IQGAP2: variants seen among roughly 807,000 people sequenced by gnomAD.
The protein encoded by IQGAP2 is ras GTPase-activating-like protein IQGAP2.
IQGAP2 carries 173 observed loss-of-function variants against 201.3 expected under a neutral mutation model. The observed-to-expected ratio is 0.86, with a 90% CI of 0.76 to 0.98. IQGAP2 has a LOEUF of 0.98. IQGAP2 is among the 50% of genes least tolerant of loss of function. The pLI, the probability that IQGAP2 is intolerant of heterozygous loss-of-function variation, is 0.00. For synonymous variants in IQGAP2, 675 were observed against 673.9 expected, an observed-to-expected ratio of 1.00 and a Z score of -0.03; for missense variants, 1,687 against 1,864.8, an observed-to-expected ratio of 0.90 and a Z score of 1.76.
intron 2 of IQGAP2, among the ~76,000 whole-genome samples, chr5:76,512,973 T>C (rs1758072265): frequency 6.6e-6 from 1 of 152,022 alleles, no homozygotes; most frequent in South Asian, 2.1e-4. Context: ...GAGAATCGCT[T>C]GAACCTAGTA....
At chr5:76,696,582 A>G (rs1014600186) in intron 32 of IQGAP2, among the ~76,000 whole-genome samples, 2 of 131,760 alleles carry the variant, frequency 1.5e-5, no homozygotes, top group African/African-American at 5.7e-5. Context: ...TTAAATGACC[A>G]GAAAAAAAAA....
intron 15 of IQGAP2, among the ~76,000 whole-genome samples, chr5:76,634,049 G>T (rs1482915667): frequency 6.6e-6 from 1 of 150,694 alleles, no homozygotes; most frequent in South Asian, 2.1e-4. Context: ...ACTGATTTTT[G>T]TATATTGATC....
chr5:76,489,713 C>T (rs1488660992), intron 2 of IQGAP2, among the ~76,000 whole-genome samples: 4 of 152,194 alleles, frequency 2.6e-5, no homozygotes, highest in African/African-American at 4.8e-5. Context: ...GTGATCCATC[C>T]GCCTTGGCCT....
At chr5:76,520,895 G>C (rs1758643680) in intron 2 of IQGAP2, among the ~76,000 whole-genome samples, 1 of 151,062 alleles carries the variant, frequency 6.6e-6, no homozygotes, top group African/African-American at 2.4e-5. Flanking sequence ...TTTTAGTAGA[G>C]GCGAGGTTTC....
intron 2 of IQGAP2, among the ~76,000 whole-genome samples, chr5:76,514,182 A>T (rs1758162525): frequency 6.6e-6 from 1 of 151,770 alleles, no homozygotes; most frequent in Admixed American, 6.6e-5. Flanking sequence ...CATCAACACA[A>T]CCGGCTAATT....
At chr5:76,595,610 A>T (rs1360881919) in intron 9 of IQGAP2, among the ~76,000 whole-genome samples, 2 of 151,928 alleles carry the variant, frequency 1.3e-5, no homozygotes, top group African/African-American at 4.8e-5. Flanking sequence ...AAAATTTAAA[A>T]ATTAGCCGGG....
Position 76,702,489 on chromosome 5 carries a change from A to T in IQGAP2, c.4513A>T (p.Asn1505Tyr). The T allele has an allele frequency of 4.0e-6, 6 of 1,491,300 alleles. No individual in the cohort carries two copies. The highest frequency in any genetic ancestry group is 5.6e-6 in the Non-Finnish European group (6 of 1,068,508). The allele number at this position is 1,491,300 out of a possible 1,614,324, so 92.4% of individuals were successfully genotyped here. A position where few individuals can be genotyped will look rare whatever the true frequency, so the allele number is the denominator to read the frequency against. ...IDDLQTNQFK[N>Y]VTFDIIATED... is the part of the protein sequence containing the mutation. ...ATGTTCCTTTCTTCACAGGTTTAAGAATGTTACATTTGATATCATAGCTAC... is the reference window on the plus strand; with the variant it reads ...ATGTTCCTTTCTTCACAGGTTTAAGTATGTTACATTTGATATCATAGCTAC... Residue 1505 changes from asparagine (N) to tyrosine (Y), a missense_variant, in exon 35 of 36, where the codon AAT becomes TAT. Transcript: ENST00000274364.
chr5:76,561,856 G>A (rs1221350535), intron 2 of IQGAP2, among the ~76,000 whole-genome samples: 1 of 152,192 alleles, frequency 6.6e-6, no homozygotes. Context: ...TTGGAAAAAG[G>A]AGTCTGTGTT....
intron 17 of IQGAP2, among the ~76,000 whole-genome samples, chr5:76,647,548 C>G (rs1374627628): frequency 6.6e-6 from 1 of 151,254 alleles, no homozygotes; most frequent in Non-Finnish European, 1.5e-5. Flanking sequence ...GGGGTTTCCA[C>G]TTTTGCTTCT....
At chr5:76,682,688 A>G (rs1424571220) in intron 28 of IQGAP2, among the ~76,000 whole-genome samples, 5 of 152,192 alleles carry the variant, frequency 3.3e-5, no homozygotes, top group Admixed American at 3.3e-4. Flanking sequence ...GAAACAGCTC[A>G]TAGTAGTGAT....
rs559885465 is a variant in IQGAP2 at position 76,652,409 on chromosome 5, G to A, written c.2095-341G>A. On this transcript the variant is annotated intron_variant, in intron 17 of 35. Transcript: ENST00000274364. Reference sequence around the variant, plus strand: ...TGTTATCAAATACCACTAGCACCTAGTTAATACTGTTTATGGGTTTTGGAG... The same window carrying A: ...TGTTATCAAATACCACTAGCACCTAATTAATACTGTTTATGGGTTTTGGAG... Among the ~76,000 whole-genome samples the A allele has an allele frequency of 4.6e-5, 7 of 150,898 alleles. No homozygotes were observed. In the South Asian group the frequency reaches 8.5e-4, roughly 18 times the overall value.
intron 1 of IQGAP2, among the ~76,000 whole-genome samples, chr5:76,416,621 G>A (rs1234073834): frequency 7.9e-5 from 12 of 151,572 alleles, no homozygotes; most frequent in East Asian, 5.8e-4. Flanking sequence ...TCCGCCTCCC[G>A]TGTTCAAGCG....
At position 76,570,583 on chromosome 5, in the gene IQGAP2, T is replaced by G; in HGVS notation, c.307T>G (p.Ser103Ala). 6.2e-7 allele frequency: 1 copy of G among 1,611,462 alleles called. No individual in the cohort carries two copies. The highest frequency in any genetic ancestry group is 8.5e-7 in the Non-Finnish European group (1 of 1,177,510). ...TTCCCTCCTATCGTCACTTTAGAAGTCTGGCCTTCATTTTCGACACACAGA... is the reference window on the plus strand; with the variant it reads ...TTCCCTCCTATCGTCACTTTAGAAGGCTGGCCTTCATTTTCGACACACAGA... ...YDVEQTRYKK[S>A]GLHFRHTDNT... Residue 103 changes from serine to alanine, a missense_variant, in exon 4 of 36, where the codon TCT becomes GCT. Transcript: ENST00000274364.
Position 76,641,063 on chromosome 5 carries a change from C to A in IQGAP2, c.2054C>A (p.Ser685Ter). The change falls in exon 17 of 36, where the codon TCA becomes TAA. Residue 685 changes from serine to a stop codon, truncating the protein, a stop_gained. Coordinates refer to ENST00000274364, the MANE Select transcript of IQGAP2 (RefSeq NM_006633.5). LOFTEE classifies it high-confidence loss of function. ...ILREEFEARK[S>*]FLHEQEENVV... ...AGGGAAGAGTTTGAAGCTAGAAAAT[C>A]ATTTTTGCATGAACAAGAAGAGAAT... is the stretch of plus-strand genomic sequence containing the variant. The A allele has an allele frequency of 2.5e-6, 4 of 1,608,034 alleles. No homozygotes were observed. The highest frequency in any genetic ancestry group is 3.4e-6 in the Non-Finnish European group (4 of 1,175,118).
chr5:76,416,015 G>A (rs1163616251), intron 1 of IQGAP2, among the ~76,000 whole-genome samples: 1 of 151,976 alleles, frequency 6.6e-6, no homozygotes, highest in Non-Finnish European at 1.5e-5. Flanking sequence ...GAATCAACTA[G>A]TGTCCATGGG....
At chr5:76,581,631 A>C (rs1745857668) in intron 5 of IQGAP2, among the ~76,000 whole-genome samples, 1 of 152,194 alleles carries the variant, frequency 6.6e-6, no homozygotes, top group Admixed American at 6.5e-5. Context: ...TACTTCATAC[A>C]GCTTACGTGC....
rs1485131323 is a variant in IQGAP2, at chr5:76,600,878, C to G, written c.1138C>G (p.Gln380Glu). The G allele has an allele frequency of 6.2e-7, 1 of 1,614,002 alleles. No individual in the cohort carries two copies. Residue 380 changes from glutamine (Q) to glutamate (E), a missense_variant, in exon 11 of 36, where the codon CAG becomes GAG. Gln to Glu is a conservative substitution (Grantham distance 29, BLOSUM62 2). Coordinates refer to ENST00000274364, the MANE Select transcript of IQGAP2 (RefSeq NM_006633.5). ...EMLSAVALLN[Q>E]ALESNDLVSV... ...GTTGTCTGCTGTTGCTTTACTAAAC[C>G]AGGCCTTGGAAAGCAACGATCTTGT...
At chr5:76,465,992 C>A (rs1230974043) in intron 2 of IQGAP2, among the ~76,000 whole-genome samples, 1 of 152,024 alleles carries the variant, frequency 6.6e-6, no homozygotes, top group East Asian at 1.9e-4. Flanking sequence ...TAGAAATATT[C>A]CCAGCTGCCT....
At chr5:76,546,223 G>T (rs145781401) in intron 2 of IQGAP2, among the ~76,000 whole-genome samples, 2,794 of 152,234 alleles carry the variant, frequency 0.018, 53 homozygotes, top group Admixed American at 0.05. Flanking sequence ...ATCACTTGAG[G>T]TCGGGAGTTC....
Sources: allele counts gnomAD v4.1 joint callset (sites outside exome capture counted in the v4.1 genomes callset), GRCh38; gene constraint gnomAD v4.1.1; transcripts MANE v1.5; gene names NCBI Gene and HGNC (gene_info 2026-07-23, HGNC 2026-07-21).